RPE: variants seen among roughly 807,000 people sequenced by gnomAD.
The protein encoded by RPE is ribulose-phosphate 3-epimerase.
In RPE, 16 loss-of-function variants were observed where a neutral mutation model predicts 24.6. That is an observed-to-expected ratio of 0.65 (90% confidence interval 0.44 to 0.99). The LOEUF is 0.99. RPE is among the 50% of genes least tolerant of loss of function. RPE has a pLI of 0.00. For missense variants in RPE, 240 were observed against 294.5 expected, an observed-to-expected ratio of 0.81 and a Z score of 1.35; for synonymous variants, 93 against 98.4, an observed-to-expected ratio of 0.94 and a Z score of 0.33.
intron 5 of RPE, chr2:210,018,219 A>G (rs2093805763): frequency 6.5e-7 from 1 of 1,534,414 alleles, no homozygotes; most frequent in South Asian, 1.2e-5. Flanking sequence ...ACGGAATTAA[A>G]AGGTACTACC....
chr2:210,008,402 C>A (rs768886020), intron 1 of RPE, among the ~76,000 whole-genome samples: 10 of 148,690 alleles, frequency 6.7e-5, no homozygotes, highest in South Asian at 2.2e-4. Context: ...TACAAGCGAT[C>A]TTCCTGCCTC....
chr2:210,013,167 T>C (rs1270487205), intron 2 of RPE, among the ~76,000 whole-genome samples: 2 of 152,230 alleles, frequency 1.3e-5, no homozygotes, highest in Non-Finnish European at 2.9e-5. Context: ...AACCCCATTG[T>C]AAGTTACAGA....
At chr2:210,016,439 G>A in intron 3 of RPE, 68 bp from the exon 4 acceptor site, 3 of 1,605,782 alleles carry the variant, frequency 1.9e-6, no homozygotes, top group Non-Finnish European at 2.6e-6. Flanking sequence ...TACTGGGCCT[G>A]CTATGCCACA....
chr2:210,018,066 C>A, intron 5 of RPE: 1 of 1,354,374 alleles, frequency 7.4e-7, no homozygotes, highest in Non-Finnish European at 1.0e-6. Context: ...ATTCTAAAAT[C>A]ACATAAATTG....
chr2:210,018,799 C>A, intron 5 of RPE: 5 of 605,462 alleles, frequency 8.3e-6, no homozygotes, highest in Non-Finnish European at 1.0e-5. Context: ...CTTAGCGTTC[C>A]AATAATGGAA....
At chr2:210,007,987 A>G (rs900667132) in intron 1 of RPE, among the ~76,000 whole-genome samples, 1 of 152,206 alleles carries the variant, frequency 6.6e-6, no homozygotes, top group African/African-American at 2.4e-5. Flanking sequence ...GCAGTGACAC[A>G]CTACTTGCAC....
chr2:210,015,376 C>T (rs1023329031), intron 2 of RPE, among the ~76,000 whole-genome samples: 2 of 152,214 alleles, frequency 1.3e-5, no homozygotes, highest in Non-Finnish European at 2.9e-5. Context: ...GGTTTCTCCT[C>T]ACCACATGCT....
At chr2:210,017,631 C>T (rs2093792165) in intron 5 of RPE, 72 bp downstream of exon 5, 2 of 1,363,570 alleles carry the variant, frequency 1.5e-6, no homozygotes, top group Non-Finnish European at 2.1e-6. Context: ...GTCTCATGGG[C>T]CAGCGATTCC....
chr2:210,016,366 C>G (rs938958191), intron 3 of RPE, 141 bp from the exon 4 acceptor site: 1 of 1,561,912 alleles, frequency 6.4e-7, no homozygotes, highest in Non-Finnish European at 8.6e-7. Flanking sequence ...AAAGCTACTG[C>G]TTGTTGAAAA....
Position 210,021,209 on chromosome 2 carries a change from A to C in RPE, c.*1418A>C, listed in dbSNP as rs2093850012. The C allele has an allele frequency of 6.6e-6, 1 of 152,144 alleles. No homozygotes were observed. The highest frequency in any genetic ancestry group is 2.4e-5 in the African/African-American group (1 of 41,454). The allele number at this position is 152,144 out of a possible 1,614,324, so 9.4% of individuals were successfully genotyped here. On this transcript the variant is annotated 3_prime_UTR_variant, in exon 6 of 6. Coordinates refer to ENST00000359429, the MANE Select transcript of RPE (RefSeq NM_199229.3). The stretch of plus-strand genomic sequence containing the variant: ...TGTGTTATAAATATGGCAAGAAATA[A>C]ACATGACCAATATCAATAGACTTCT...
At chr2:210,017,435 A>T in intron 4 of RPE, 38 bp from the exon 5 acceptor site, 1 of 1,046,994 alleles carries the variant, frequency 9.6e-7, no homozygotes, top group East Asian at 3.2e-5. Flanking sequence ...CAACATACCC[A>T]CTTTAGGAGT....
intron 2 of RPE, among the ~76,000 whole-genome samples, chr2:210,010,216 T>C (rs887092548): frequency 2.6e-5 from 4 of 152,192 alleles, no homozygotes; most frequent in African/African-American, 7.2e-5. Flanking sequence ...TCAGTTGATT[T>C]ATGGTCCAGA....
intron 5 of RPE, 69 bp from the exon 6 acceptor site, chr2:210,019,600 C>G (rs138641895): frequency 4.5e-6 from 7 of 1,565,706 alleles, no homozygotes; most frequent in Non-Finnish European, 4.3e-6. Context: ...ACACTCTAGT[C>G]CAGGAATTCT....
chr2:210,017,468 T>C lies in RPE; in HGVS notation c.478-5T>C, dbSNP rs1036146881. 5 of 1,444,756 alleles carry C rather than the reference T, an allele frequency of 3.5e-6. No individual in the cohort carries two copies. The highest frequency in any genetic ancestry group is 4.7e-6 in the Non-Finnish European group (5 of 1,064,028). 89.5% of individuals were successfully genotyped at this position (1,444,756 alleles called of 1,614,324 possible). A position where few individuals can be genotyped will look rare whatever the true frequency, so the allele number is the denominator to read the frequency against. ...AGTTACTTATTTCCTCATGTATATA[T>C]CTAGGTTCACTGGTTGAGGACCCAG... On this transcript the variant is annotated splice_polypyrimidine_tract_variant and splice_region_variant and intron_variant, in intron 4 of 5. Coordinates refer to ENST00000359429, the MANE Select transcript of RPE (RefSeq NM_199229.3).
At chr2:210,013,801 A>G (rs1324446943) in intron 2 of RPE, among the ~76,000 whole-genome samples, 2 of 151,838 alleles carry the variant, frequency 1.3e-5, no homozygotes, top group African/African-American at 2.4e-5. Flanking sequence ...CTAGCCATAT[A>G]TAGTGTTTTT....
chr2:210,017,845 A>G (rs1388644186), intron 5 of RPE: 2 of 580,422 alleles, frequency 3.4e-6, no homozygotes, highest in Non-Finnish European at 6.1e-6. Context: ...GCCGGGTTCA[A>G]GCGATTCTCC....
At chr2:210,004,641 A>G (rs1046854168) in intron 1 of RPE, among the ~76,000 whole-genome samples, 1 of 152,160 alleles carries the variant, frequency 6.6e-6, no homozygotes, top group Non-Finnish European at 1.5e-5. Context: ...AACTTATTTC[A>G]TGTCTCTCCT....
intron 2 of RPE, among the ~76,000 whole-genome samples, chr2:210,015,659 T>TAA (rs773982676): frequency 1.1e-3 from 160 of 152,310 alleles, no homozygotes; most frequent in Non-Finnish European, 2.2e-3. Flanking sequence ...TAGTATGACT[T>TAA]ATTCTTTAAG....
rs549092321 is a variant in RPE at position 210,015,820 on chromosome 2, A to T, written c.203-153A>T. Among the ~76,000 whole-genome samples, 21 of 152,350 alleles carry T rather than the reference A, an allele frequency of 1.4e-4. No individual in the cohort carries two copies. The South Asian group carries it at 4.1e-3, about 30-fold the overall frequency. Reference sequence around the variant, plus strand: ...ATCCTTGTCTTCAAAATAAGAGGAAACTACCTATACTGAATTAGAACTATT... The same window carrying T: ...ATCCTTGTCTTCAAAATAAGAGGAATCTACCTATACTGAATTAGAACTATT... On this transcript the variant is annotated intron_variant, in intron 2 of 5. Coordinates refer to ENST00000359429, the MANE Select transcript of RPE (RefSeq NM_199229.3).
Sources: gnomAD v4.1 joint callset for allele counts (sites outside exome capture counted in the v4.1 genomes callset) on GRCh38, gnomAD v4.1.1 for gene constraint, MANE v1.5 for transcripts, NCBI Gene and HGNC (gene_info 2026-07-23, HGNC 2026-07-21) for gene names.